Variants in MYOM2 observed in about 807,000 individuals in gnomAD.
MYOM2 encodes the protein myomesin-2.
Under a neutral mutation model 187.6 loss-of-function variants are expected in MYOM2, and 254 were observed. That is an observed-to-expected ratio of 1.35 (90% CI 1.22 to 1.50). MYOM2 has a LOEUF of 1.50. Ranked by LOEUF, MYOM2 falls within the 40% of genes most tolerant of loss-of-function variation. MYOM2 has a pLI of 0.00. For synonymous variants in MYOM2, 981 were observed against 753.8 expected, an observed-to-expected ratio of 1.30 and a Z score of -4.94; for missense variants, 2,796 against 1,924.0, an observed-to-expected ratio of 1.45 and a Z score of -8.48.
rs754578437 is a variant in MYOM2, at chr8:2,123,618, T to A, written c.3631T>A (p.Ser1211Thr). The A allele has an allele frequency of 1.9e-6, 3 of 1,614,176 alleles. No homozygotes were observed. The highest frequency in any genetic ancestry group is 3.3e-5 in the Admixed American group (2 of 60,034). ...TLKDDRGQDV[S>T]ILEIAGKVYD... ...GAAAGATGACAGAGGCCAAGATGTG[T>A]CCATCCTTGAAATAGCTGGCAAAGG... The change falls in exon 30 of 37, where the codon TCC becomes ACC. Residue 1211 changes from serine to threonine, a missense_variant. Coordinates refer to ENST00000262113, the MANE Select transcript of MYOM2 (RefSeq NM_003970.4).
At chr8:2,137,622 G>A (rs1798127245) in intron 32 of MYOM2, among the ~76,000 whole-genome samples, 1 of 152,100 alleles carries the variant, frequency 6.6e-6, no homozygotes, top group African/African-American at 2.4e-5. Flanking sequence ...TCCAACAAGA[G>A]AGGGTGACAA....
At chr8:2,056,449 A>G (rs1015812449) in intron 3 of MYOM2, among the ~76,000 whole-genome samples, 1 of 152,076 alleles carries the variant, frequency 6.6e-6, no homozygotes, top group Non-Finnish European at 1.5e-5. Context: ...GAGGCAGGCC[A>G]GGCCTGGCCG....
chr8:2,054,696 G>A lies in MYOM2; in HGVS notation c.263+2383G>A, dbSNP rs567440498. Among the ~76,000 whole-genome samples, 65 of 152,324 alleles carry A rather than the reference G, an allele frequency of 4.3e-4. 2 individuals carry two copies. Among genetic ancestry groups the A allele is most frequent in the Middle Eastern group, 6.8e-3 (2 of 294 alleles). Reference sequence around the variant, plus strand: ...CCCATAGAAAAGTAAACGGTGTCAAGAGAGGACATCTGAACCTTTAAACTC... The same window carrying A: ...CCCATAGAAAAGTAAACGGTGTCAAAAGAGGACATCTGAACCTTTAAACTC... On this transcript the variant is annotated intron_variant, in intron 3 of 36. Transcript: ENST00000262113.
Position 2,123,235 on chromosome 8 carries a change from A to G in MYOM2, c.3454-17A>G, listed in dbSNP as rs752896879. On this transcript the variant is annotated splice_polypyrimidine_tract_variant and intron_variant, in intron 28 of 36. Transcript: ENST00000262113. ...CAGAATGATTTACACACTAAACTTA[A>G]GCTTTCTACCTCACAGGTTGCAAAC... The G allele has an allele frequency of 1.3e-6, 2 of 1,543,210 alleles. No individual in the cohort carries two copies. The highest frequency in any genetic ancestry group is 2.2e-5 in the East Asian group (1 of 44,524).
At chr8:2,121,997 G>C (rs925431680) in intron 28 of MYOM2, among the ~76,000 whole-genome samples, 1 of 152,178 alleles carries the variant, frequency 6.6e-6, no homozygotes, top group Non-Finnish European at 1.5e-5. Flanking sequence ...CCAATTATAG[G>C]ACAAATACAT....
chr8:2,063,159 G>T (rs80041743), intron 6 of MYOM2, among the ~76,000 whole-genome samples: 1 of 152,080 alleles, frequency 6.6e-6, no homozygotes, highest in African/African-American at 2.4e-5. Context: ...AATATTCTTC[G>T]GGAAAAGAGC....
At chr8:2,126,094 C>T (rs1797625615) in intron 31 of MYOM2, among the ~76,000 whole-genome samples, 1 of 151,962 alleles carries the variant, frequency 6.6e-6, no homozygotes, top group Admixed American at 6.6e-5. Context: ...TAGAACTGAC[C>T]AGAAGGTCTT....
chr8:2,078,877 C>T lies in MYOM2; in HGVS notation c.1406C>T (p.Ser469Phe), dbSNP rs756903053. The T allele has an allele frequency of 6.2e-7, 1 of 1,614,050 alleles. No homozygotes were observed. Among genetic ancestry groups the T allele is most frequent in the East Asian group, 2.2e-5 (1 of 44,882 alleles). Residue 469 changes from serine (S) to phenylalanine (F), a missense_variant, in exon 12 of 37, where the codon TCC becomes TTC. Transcript: ENST00000262113. ...AACAGTGCGGGCATCAGCCGACCCTCCAGGGTCTCTGATGCGGTGGCTGCA... is the reference window on the plus strand; with the variant it reads ...AACAGTGCGGGCATCAGCCGACCCTTCAGGGTCTCTGATGCGGTGGCTGCA... ...AVNSAGISRP[S>F]RVSDAVAALD...
intron 1 of MYOM2, among the ~76,000 whole-genome samples, chr8:2,047,543 C>A (rs1818349399): frequency 1.3e-5 from 2 of 152,266 alleles, no homozygotes; most frequent in Admixed American, 1.3e-4. Flanking sequence ...TTGTTGAAAT[C>A]CAAGGGTTCT....
chr8:2,054,625 T>C (rs1238770392), intron 3 of MYOM2, among the ~76,000 whole-genome samples: 1 of 152,220 alleles, frequency 6.6e-6, no homozygotes, highest in Non-Finnish European at 1.5e-5. Flanking sequence ...AGTGGTGCTA[T>C]TGACCTAAGA....
chr8:2,079,655 A>G (rs1194385004), intron 13 of MYOM2, 42 bp downstream of exon 13: 2 of 1,590,002 alleles, frequency 1.3e-6, no homozygotes, highest in East Asian at 2.2e-5. Context: ...GCCCCTGGGG[A>G]TTTGGAGTTG....
rs7837728 is a variant in MYOM2, at chr8:2,134,150, G to C, written c.3800+4918G>C. On this transcript the variant is annotated intron_variant, in intron 32 of 36. Coordinates refer to ENST00000262113, the MANE Select transcript of MYOM2 (RefSeq NM_003970.4). ...ATTCAGATTGCACCTTTTTTTCCAG[G>C]AACGCCCTTTTGCATGTTCCTGTGT... is the stretch of plus-strand genomic sequence containing the variant. 4.3e-3 allele frequency among the ~76,000 whole-genome samples: 658 copies of C among 152,090 alleles called. 4 individuals carry two copies. Among genetic ancestry groups the C allele is most frequent in the African/African-American group, 0.015 (606 of 41,518 alleles).
At chr8:2,049,445 T>C (rs574395302) in intron 1 of MYOM2, among the ~76,000 whole-genome samples, 2 of 152,316 alleles carry the variant, frequency 1.3e-5, no homozygotes, top group East Asian at 1.9e-4. Context: ...AGGAAACAGC[T>C]CATAAGGAGC....
chr8:2,119,686 C>T (rs6990007), intron 28 of MYOM2, among the ~76,000 whole-genome samples: 75,516 of 152,000 alleles, frequency 0.5, 18,814 homozygotes, highest in Non-Finnish European at 0.52. Context: ...TTTGTCTTTC[C>T]TTCTGGATGG....
intron 31 of MYOM2, among the ~76,000 whole-genome samples, chr8:2,128,561 A>G (rs1281323645): frequency 6.6e-6 from 1 of 152,186 alleles, no homozygotes; most frequent in Admixed American, 6.5e-5. Flanking sequence ...ATCTACCTCA[A>G]GCGAATTAGT....
At position 2,067,513 on chromosome 8, in the gene MYOM2, G is replaced by A. The variant is rs952690284; in HGVS notation, c.654-1765G>A. Among the ~76,000 whole-genome samples, 7 of 152,308 alleles carry A rather than the reference G, an allele frequency of 4.6e-5. 1 individual carries two copies. Among genetic ancestry groups the A allele is most frequent in the South Asian group, 4.1e-4 (2 of 4,826 alleles). On this transcript the variant is annotated intron_variant, in intron 6 of 36. Coordinates refer to ENST00000262113, the MANE Select transcript of MYOM2 (RefSeq NM_003970.4). ...TTTTCCAGGCTACTTGAGGATGAAC[G>A]TGGAAATGCTGATGTGAAGTGACTT...
At chr8:2,051,510 C>T (rs1818486171) in intron 2 of MYOM2, among the ~76,000 whole-genome samples, 1 of 152,192 alleles carries the variant, frequency 6.6e-6, no homozygotes, top group Non-Finnish European at 1.5e-5. Context: ...CGTTCTGCAG[C>T]CCAGGTGCCT....
At chr8:2,086,787 G>A (rs1434964428) in intron 14 of MYOM2, among the ~76,000 whole-genome samples, 2 of 152,184 alleles carry the variant, frequency 1.3e-5, no homozygotes, top group Non-Finnish European at 2.9e-5. Flanking sequence ...CCTTCCTGCT[G>A]CAACATTCCA....
chr8:2,134,060 AC>A (rs1797971203), intron 32 of MYOM2, among the ~76,000 whole-genome samples: 1 of 152,084 alleles, frequency 6.6e-6, no homozygotes, highest in South Asian at 2.1e-4. Context: ...TTGTGTACCC[AC>A]CTTATAACCA....
Sources: gnomAD v4.1 joint callset for allele counts (sites outside exome capture counted in the v4.1 genomes callset) on GRCh38, gnomAD v4.1.1 for gene constraint, MANE v1.5 for transcripts, NCBI Gene and HGNC (gene_info 2026-07-23, HGNC 2026-07-21) for gene names.